Variants in WWOX observed in about 807,000 individuals in gnomAD.
WWOX encodes the protein WW domain-containing oxidoreductase.
Under a neutral mutation model 46.2 loss-of-function variants are expected in WWOX, and 69 were observed. That is an observed-to-expected ratio of 1.49 (90% CI 1.23 to 1.82). The LOEUF (loss-of-function observed/expected upper bound fraction) is 1.82. WWOX is among the 40% of genes most tolerant of loss of function. The pLI is 0.00. For missense variants in WWOX, 919 were observed against 542.6 expected, an observed-to-expected ratio of 1.69 and a Z score of -6.89; for synonymous variants, 359 against 202.6, an observed-to-expected ratio of 1.77 and a Z score of -6.56.
At chr16:78,285,230 C>T (rs1040311167) in intron 5 of WWOX, among the ~76,000 whole-genome samples, 8 of 152,010 alleles carry the variant, frequency 5.3e-5, no homozygotes, top group African/African-American at 1.7e-4. Flanking sequence ...GCCAGGAGTT[C>T]GAGACTACCC....
At chr16:78,591,453 C>G (rs550498808) in intron 8 of WWOX, among the ~76,000 whole-genome samples, 2 of 152,338 alleles carry the variant, frequency 1.3e-5, no homozygotes, top group South Asian at 4.1e-4. Flanking sequence ...TTTCCACTCT[C>G]TGCATCCCCT....
At chr16:78,708,191 T>C (rs1415312848) in intron 8 of WWOX, among the ~76,000 whole-genome samples, 1 of 152,104 alleles carries the variant, frequency 6.6e-6, no homozygotes, top group Non-Finnish European at 1.5e-5. Flanking sequence ...ACCCTGTGTC[T>C]TAAAACAACA....
chr16:78,983,097 T>C (rs1338836985), intron 8 of WWOX, among the ~76,000 whole-genome samples: 2 of 152,212 alleles, frequency 1.3e-5, no homozygotes, highest in African/African-American at 4.8e-5. Flanking sequence ...GTTTTGCTTT[T>C]GTAGACTGAC....
chr16:78,311,554 G>A (rs943541289), intron 5 of WWOX, among the ~76,000 whole-genome samples: 2 of 152,150 alleles, frequency 1.3e-5, no homozygotes, highest in African/African-American at 2.4e-5. Flanking sequence ...TGGCAATGCC[G>A]TAACAGTGAG....
chr16:79,059,906 G>C (rs920555392), intron 8 of WWOX, among the ~76,000 whole-genome samples: 3 of 152,184 alleles, frequency 2.0e-5, no homozygotes, highest in African/African-American at 4.8e-5. Flanking sequence ...ATCAAGTTCA[G>C]ATTCTTTTTT....
intron 8 of WWOX, among the ~76,000 whole-genome samples, chr16:78,577,756 C>T (rs1407489222): frequency 1.3e-5 from 2 of 152,166 alleles, no homozygotes; most frequent in African/African-American, 2.4e-5. Flanking sequence ...AGCAGTCTTG[C>T]GGAAGGTGCC....
intron 4 of WWOX, among the ~76,000 whole-genome samples, chr16:78,132,271 C>G (rs1480605088): frequency 1.3e-5 from 2 of 151,918 alleles, no homozygotes; most frequent in Non-Finnish European, 2.9e-5. Context: ...CGTGATCTGC[C>G]CACCTCAGCC....
chr16:78,432,465 A>C lies in WWOX; in HGVS notation c.792-23A>C, dbSNP rs574261718. On this transcript the variant is annotated intron_variant, in intron 7 of 8. Coordinates refer to ENST00000566780, the MANE Select transcript of WWOX (RefSeq NM_016373.4). The stretch of plus-strand genomic sequence containing the variant: ...TGGGAAGTCAGAACTTGGTTGCTTC[A>C]TGTCATATTTCCTATTTTTAAGATT... 1.3e-5 allele frequency: 21 copies of C among 1,603,876 alleles called. No homozygotes were observed. In the South Asian group the frequency reaches 2.3e-4, roughly 18 times the overall value.
chr16:78,876,781 C>G (rs2044242572), intron 8 of WWOX, among the ~76,000 whole-genome samples: 1 of 152,062 alleles, frequency 6.6e-6, no homozygotes, highest in Non-Finnish European at 1.5e-5. Context: ...AAGGAAAATG[C>G]CTTAAACACC....
intron 8 of WWOX, among the ~76,000 whole-genome samples, chr16:78,600,644 A>G (rs1193013680): frequency 6.6e-6 from 1 of 152,098 alleles, no homozygotes; most frequent in Non-Finnish European, 1.5e-5. Flanking sequence ...CTGAGACTAT[A>G]ATCTTCTGGA....
At chr16:78,516,346 C>G (rs879603785) in intron 8 of WWOX, among the ~76,000 whole-genome samples, 2 of 152,130 alleles carry the variant, frequency 1.3e-5, no homozygotes, top group African/African-American at 2.4e-5. Flanking sequence ...ACAAACATAC[C>G]TCCAGGTCAA....
At chr16:78,482,879 A>G (rs1258762601) in intron 8 of WWOX, among the ~76,000 whole-genome samples, 1 of 152,184 alleles carries the variant, frequency 6.6e-6, no homozygotes, top group Non-Finnish European at 1.5e-5. Flanking sequence ...CATAAAATAC[A>G]CATGGTACAA....
chr16:78,445,301 G>A (rs190650266), intron 8 of WWOX, among the ~76,000 whole-genome samples: 3 of 152,106 alleles, frequency 2.0e-5, no homozygotes, highest in East Asian at 1.9e-4. Context: ...GAAGAAGGGC[G>A]CTCACCTCAG....
chr16:78,610,024 C>G (rs548821838), intron 8 of WWOX, among the ~76,000 whole-genome samples: 7 of 145,484 alleles, frequency 4.8e-5, no homozygotes, highest in Non-Finnish European at 4.5e-5. Context: ...GAAGGTAGCT[C>G]TGCGAATCCG....
At chr16:78,914,878 C>CAAAAAAA (rs1213942556) in intron 8 of WWOX, among the ~76,000 whole-genome samples, 1 of 65,678 alleles carries the variant, frequency 1.5e-5, no homozygotes. Flanking sequence ...GACTCCGCCT[C>CAAAAAAA]AGAAAAAAAA....
At chr16:78,976,386 G>T (rs1437287856) in intron 8 of WWOX, among the ~76,000 whole-genome samples, 1 of 152,194 alleles carries the variant, frequency 6.6e-6, no homozygotes, top group African/African-American at 2.4e-5. Flanking sequence ...ACTCAGGGCT[G>T]TGTGGTCAGA....
chr16:78,622,312 G>T (rs905084784), intron 8 of WWOX, among the ~76,000 whole-genome samples: 1 of 152,028 alleles, frequency 6.6e-6, no homozygotes, highest in Admixed American at 6.5e-5. Flanking sequence ...GGACGCCGAG[G>T]CAGGCAGATC....
At chr16:79,001,469 C>A (rs576874438) in intron 8 of WWOX, among the ~76,000 whole-genome samples, 1 of 152,128 alleles carries the variant, frequency 6.6e-6, no homozygotes, top group South Asian at 2.1e-4. Context: ...GTGCGTGCAG[C>A]TTCTGTTTAA....
intron 8 of WWOX, among the ~76,000 whole-genome samples, chr16:78,885,904 C>T (rs988822767): frequency 1.3e-5 from 2 of 150,522 alleles, no homozygotes; most frequent in African/African-American, 2.4e-5. Flanking sequence ...ATCACATCCA[C>T]GTACAGGGAT....
Sources: allele counts gnomAD v4.1 joint callset (sites outside exome capture counted in the v4.1 genomes callset), GRCh38; gene constraint gnomAD v4.1.1; transcripts MANE v1.5; gene names NCBI Gene and HGNC (gene_info 2026-07-23, HGNC 2026-07-21).